MGAT4C: variants seen among roughly 807,000 people sequenced by gnomAD.
MGAT4C encodes alpha-1,3-mannosyl-glycoprotein 4-beta-N-acetylglucosaminyltransferase C.
Under a neutral mutation model 40.1 loss-of-function variants are expected in MGAT4C, and 19 were observed. The ratio of observed to expected loss-of-function variants is 0.47; its 90% CI spans 0.33 to 0.70. MGAT4C has a LOEUF of 0.70. MGAT4C is among the 30% of genes least tolerant of loss of function. The probability of loss-of-function intolerance (pLI) is 0.02; values close to 1 mark genes in which losing one functional copy is unlikely to be tolerated. For missense variants in MGAT4C, 491 were observed against 563.2 expected (o/e 0.87, Z 1.30); for synonymous variants, 181 against 187.1 (o/e 0.97, Z 0.27).
intron 2 of MGAT4C, among the ~76,000 whole-genome samples, chr12:85,994,627 G>A (rs200183154): frequency 1.9e-4 from 29 of 150,890 alleles, no homozygotes; most frequent in East Asian, 3.9e-4. Context: ...CCCCCCAGCC[G>A]CCAAAAAACA....
At chr12:86,691,243 T>G (rs1950168338) in intron 2 of MGAT4C, among the ~76,000 whole-genome samples, 1 of 152,204 alleles carries the variant, frequency 6.6e-6, no homozygotes, top group African/African-American at 2.4e-5. Context: ...TAAAGCATAG[T>G]GGAGCCAGCA....
At chr12:86,678,666 G>A (rs1277973878) in intron 2 of MGAT4C, among the ~76,000 whole-genome samples, 1 of 146,848 alleles carries the variant, frequency 6.8e-6, no homozygotes, top group East Asian at 2.0e-4. Context: ...ACCTATGAGT[G>A]AGAATATGTG....
At chr12:86,174,497 C>T (rs1295628571) in intron 1 of MGAT4C, among the ~76,000 whole-genome samples, 1 of 152,072 alleles carries the variant, frequency 6.6e-6, no homozygotes, top group Admixed American at 6.6e-5. Context: ...GCATTTTTAG[C>T]ACTTGGTGAA....
intron 1 of MGAT4C, among the ~76,000 whole-genome samples, chr12:86,174,379 G>A (rs191039301): frequency 9.3e-4 from 142 of 152,014 alleles, no homozygotes; most frequent in African/African-American, 3.3e-3. Context: ...TGTGAATTGC[G>A]CAAGTGATGG....
Position 85,974,055 on chromosome 12 carries a change from G to C in MGAT4C, c.*5234C>G, listed in dbSNP as rs1016243131. ...GTTATCTTAATATTTTTATAGCTTA[G>C]AAAGAGAATGCTATGCAACTCATAT... is the stretch of plus-strand genomic sequence containing the variant. On this transcript the variant is annotated 3_prime_UTR_variant, in exon 5 of 5. Coordinates refer to ENST00000611864, the MANE Select transcript of MGAT4C (RefSeq NM_001351288.2). 5 of 150,812 alleles carry C rather than the reference G, an allele frequency of 3.3e-5. No homozygotes were observed. Among genetic ancestry groups the C allele is most frequent in the African/African-American group, 1.2e-4 (5 of 41,312 alleles). 9.3% of individuals were successfully genotyped at this position (150,812 alleles called of 1,614,324 possible). A position where few individuals can be genotyped will look rare whatever the true frequency, so the allele number is the denominator to read the frequency against.
chr12:86,313,908 T>C (rs768866367), intron 4 of MGAT4C, among the ~76,000 whole-genome samples: 59 of 152,214 alleles, frequency 3.9e-4, no homozygotes, highest in Non-Finnish European at 7.1e-4. Context: ...TCTTAAATCA[T>C]TGCTGAAACT....
At chr12:86,751,132 G>A (rs1362037574) in intron 1 of MGAT4C, among the ~76,000 whole-genome samples, 1 of 151,952 alleles carries the variant, frequency 6.6e-6, no homozygotes, top group Non-Finnish European at 1.5e-5. Flanking sequence ...TTCATCACTG[G>A]TTTGAAAAAT....
At chr12:86,565,307 C>T (rs571657503) in intron 2 of MGAT4C, among the ~76,000 whole-genome samples, 1 of 152,312 alleles carries the variant, frequency 6.6e-6, no homozygotes, top group East Asian at 1.9e-4. Flanking sequence ...TCCTACCACC[C>T]TGCCTTCTCT....
chr12:86,726,667 CTTA>C (rs756030090), intron 2 of MGAT4C, among the ~76,000 whole-genome samples: 10 of 151,872 alleles, frequency 6.6e-5, no homozygotes, highest in Middle Eastern at 3.4e-3. Context: ...TTGTCCTGTT[CTTA>C]TTGTTTTTGT....
intron 1 of MGAT4C, among the ~76,000 whole-genome samples, chr12:86,174,118 CACACAT>C (rs779449538): frequency 0.097 from 8,930 of 92,308 alleles, 355 homozygotes; most frequent in Middle Eastern, 0.24. Context: ...AAGACACACA[CACACAT>C]ACACACACAC....
rs1482777161 is a variant in MGAT4C at position 85,993,844 on chromosome 12, C to A, written c.-6-4292G>T. On this transcript the variant is annotated intron_variant, in intron 2 of 4. Transcript: ENST00000611864. ...CCCAAGATGCATTTGTTGACTGCCACAAATGTGGTAGGAGGGACTGTCTAG... is the reference window on the plus strand; with the variant it reads ...CCCAAGATGCATTTGTTGACTGCCAAAAATGTGGTAGGAGGGACTGTCTAG... 2.0e-5 allele frequency among the ~76,000 whole-genome samples: 3 copies of A among 152,152 alleles called. No individual in the cohort carries two copies. The East Asian group carries it at 5.8e-4, about 29-fold the overall frequency.
At chr12:86,147,302 C>T (rs542356978) in intron 1 of MGAT4C, among the ~76,000 whole-genome samples, 58 of 151,986 alleles carry the variant, frequency 3.8e-4, no homozygotes, top group Non-Finnish European at 6.6e-4. Flanking sequence ...AGTGCAGTGC[C>T]GCGATCTCAG....
intron 1 of MGAT4C, among the ~76,000 whole-genome samples, chr12:86,809,637 G>A (rs1403779341): frequency 5.3e-5 from 8 of 151,832 alleles, no homozygotes; most frequent in Non-Finnish European, 8.8e-5. Context: ...TAATAATGTT[G>A]AATAGCTTTT....
At chr12:86,814,247 TATATATACAC>T (rs956431596) in intron 1 of MGAT4C, among the ~76,000 whole-genome samples, 3 of 146,946 alleles carry the variant, frequency 2.0e-5, no homozygotes, top group Non-Finnish European at 4.5e-5. Flanking sequence ...TATACGTGTA[TATATATACAC>T]ATATATATAC....
intron 3 of MGAT4C, among the ~76,000 whole-genome samples, chr12:86,364,248 A>C (rs914867557): frequency 6.6e-5 from 10 of 152,226 alleles, no homozygotes; most frequent in African/African-American, 2.4e-4. Context: ...AAATCAGACA[A>C]AGCCACTACA....
Position 86,429,771 on chromosome 12 carries a change from A to G in MGAT4C, c.-120+5386T>C, listed in dbSNP as rs1290595956. Among the ~76,000 whole-genome samples the G allele has an allele frequency of 2.0e-5, 3 of 152,064 alleles. No individual in the cohort carries two copies. In the East Asian group the frequency reaches 5.8e-4, roughly 29 times the overall value. On this transcript the variant is annotated intron_variant, in intron 3 of 7. Coordinates refer to the MGAT4C transcript ENST00000548651. ...CTTGTTGTGCTTCTCTTTGGGTTGA[A>G]TTTGATTGAAGACCTTCATGCTTTC... is the stretch of plus-strand genomic sequence containing the variant.
chr12:85,993,587 G>T (rs1318892395), intron 2 of MGAT4C, among the ~76,000 whole-genome samples: 1 of 152,126 alleles, frequency 6.6e-6, no homozygotes, highest in Non-Finnish European at 1.5e-5. Flanking sequence ...ATTTGGTTAA[G>T]GGACAGCTGG....
chr12:86,155,215 A>T (rs866796), intron 1 of MGAT4C, among the ~76,000 whole-genome samples: 134,760 of 152,242 alleles, frequency 0.89, 59,876 homozygotes, highest in East Asian at 1. Flanking sequence ...AGAAATCATA[A>T]AAGATGAACT....
chr12:86,448,283 A>G (rs1290539648), intron 2 of MGAT4C, among the ~76,000 whole-genome samples: 1 of 152,098 alleles, frequency 6.6e-6, no homozygotes, highest in African/African-American at 2.4e-5. Context: ...GTTTCCTGCC[A>G]TGGTTCTTGG....
Sources: gnomAD v4.1 joint callset for allele counts (sites outside exome capture counted in the v4.1 genomes callset) on GRCh38, gnomAD v4.1.1 for gene constraint, MANE v1.5 for transcripts, NCBI Gene and HGNC (gene_info 2026-07-23, HGNC 2026-07-21) for gene names.